RCC2: variants seen among roughly 807,000 people sequenced by gnomAD.
RCC2 encodes regulator of chromosome condensation 2.
A neutral mutation model predicts 64.1 loss-of-function variants in RCC2; 19 were observed. That is an observed-to-expected ratio of 0.30 (90% CI 0.21 to 0.44). The LOEUF (loss-of-function observed/expected upper bound fraction) is 0.44, where lower values mean the gene tolerates loss of function less well. Ranked by LOEUF, RCC2 falls within the 20% of genes least tolerant of loss-of-function variation. RCC2 has a pLI of 1.00. For missense variants in RCC2, 508 were observed against 710.4 expected, an observed-to-expected ratio of 0.72 and a Z score of 3.24; for synonymous variants, 325 against 279.6, an observed-to-expected ratio of 1.16 and a Z score of -1.62.
At chr1:17,428,990 A>T in intron 3 of RCC2, 116 bp downstream of exon 3, 2 of 807,806 alleles carry the variant, frequency 2.5e-6, no homozygotes, top group Non-Finnish European at 2.1e-6. Flanking sequence ...CAGGCAAGTC[A>T]CTTGGCCTCT....
In RCC2 at chr1:17,416,504, G is replaced by A. The variant is rs369180258; in HGVS notation, c.1002C>T (p.Asp334=). ...ILPVPNVVVR[D]VACGANHTLV... is the part of the protein sequence containing the mutation. ...CCGTGTGGTTAGCGCCACAGGCCACGTCTCGTACAACCACGTTTGGTACAG... is the reference window on the plus strand; with the variant it reads ...CCGTGTGGTTAGCGCCACAGGCCACATCTCGTACAACCACGTTTGGTACAG... Residue 334 remains aspartate, a synonymous_variant, in exon 8 of 13, where the codon GAC becomes GAT. Transcript: ENST00000375436. The A allele has an allele frequency of 4.3e-5, 69 of 1,613,136 alleles. No individual in the cohort carries two copies. The highest frequency in any genetic ancestry group is 5.5e-5 in the Non-Finnish European group (65 of 1,179,818).
At chr1:17,432,893 G>A (rs1484354683) in intron 2 of RCC2, among the ~76,000 whole-genome samples, 2 of 152,194 alleles carry the variant, frequency 1.3e-5, no homozygotes, top group African/African-American at 4.8e-5. Context: ...GGGAGGCGGG[G>A]CTTGCAGTGA....
intron 3 of RCC2, 80 bp from the exon 4 acceptor site, chr1:17,425,764 C>T: frequency 6.9e-7 from 1 of 1,459,168 alleles, no homozygotes; most frequent in Non-Finnish European, 9.4e-7. Flanking sequence ...ACCAAGCAGC[C>T]ACTTCCCGAG....
chr1:17,424,449 G>A (rs1452571937), intron 4 of RCC2, among the ~76,000 whole-genome samples: 2 of 152,180 alleles, frequency 1.3e-5, no homozygotes, highest in Admixed American at 6.5e-5. Flanking sequence ...AAGTAGGAGG[G>A]GTGCTCTGGG....
Position 17,422,245 on chromosome 1 carries a change from C to T in RCC2, c.702G>A (p.Leu234=), listed in dbSNP as rs140999876. ...FAFGENKMGQ[L]GLGNQTDAVP... Reference sequence around the variant, plus strand: ...CAGCGTCTGTCTGGTTGCCAAGGCCCAGCTGCCCCATCTTGTTTTCCCCAA... The same window carrying T: ...CAGCGTCTGTCTGGTTGCCAAGGCCTAGCTGCCCCATCTTGTTTTCCCCAA... The change falls in exon 6 of 13, where the codon CTG becomes CTA. Residue 234 remains leucine, a synonymous_variant. Transcript: ENST00000375436. 5.8e-4 allele frequency: 927 copies of T among 1,612,158 alleles called. No homozygotes were observed. Among genetic ancestry groups the T allele is most frequent in the Non-Finnish European group, 7.4e-4 (877 of 1,179,896 alleles).
Position 17,413,452 on chromosome 1 carries a change from T to A in RCC2, c.1207+85A>T. The A allele has an allele frequency of 6.7e-6, 9 of 1,344,758 alleles. No individual in the cohort carries two copies. In the South Asian group the frequency reaches 1.1e-4, roughly 17 times the overall value. The allele number at this position is 1,344,758 out of a possible 1,614,324, so 83.3% of individuals were successfully genotyped here. ...AAAGAACACTGGGAGGTAAAGAGAA[T>A]TGGGGTTCGTGGTCTAGGGACAGGA... On this transcript the variant is annotated intron_variant, in intron 9 of 12. Coordinates refer to ENST00000375436, the MANE Select transcript of RCC2 (RefSeq NM_018715.4).
intron 11 of RCC2, 54 bp downstream of exon 11, chr1:17,412,068 T>C (rs565993530): frequency 7.9e-6 from 12 of 1,521,266 alleles, no homozygotes; most frequent in Non-Finnish European, 1.1e-5. Flanking sequence ...CCAAAGGCCA[T>C]GAGCCACCCT....
In RCC2 at chr1:17,413,661, C is replaced by A; in HGVS notation, c.1083G>T (p.Arg361=). 6.2e-7 allele frequency: 1 copy of A among 1,614,120 alleles called. No homozygotes were observed. Among genetic ancestry groups the A allele is most frequent in the South Asian group, 1.1e-5 (1 of 91,068 alleles). ...VFSWGFGGYG[R]LGHAEQKDEM... ...CATCCTTCTGCTCTGCGTGGCCCAG[C>A]CGGCCATAGCCACCAAAGCCCCAGG... The change falls in exon 9 of 13, where the codon CGG becomes CGT. Residue 361 remains arginine, a synonymous_variant. Coordinates refer to ENST00000375436, the MANE Select transcript of RCC2 (RefSeq NM_018715.4).
intron 2 of RCC2, among the ~76,000 whole-genome samples, chr1:17,434,084 T>A (rs2075711733): frequency 6.6e-6 from 1 of 152,210 alleles, no homozygotes; most frequent in Non-Finnish European, 1.5e-5. Context: ...TTTAGGAGGT[T>A]ATGAAGTGCG....
chr1:17,418,928 T>C (rs1283270586), intron 7 of RCC2, among the ~76,000 whole-genome samples: 3 of 152,224 alleles, frequency 2.0e-5, no homozygotes, highest in Non-Finnish European at 4.4e-5. Context: ...ATTTGGTGAC[T>C]GCTTTTTCCA....
intron 12 of RCC2, among the ~76,000 whole-genome samples, chr1:17,409,495 C>G (rs540022465): frequency 2.6e-5 from 4 of 152,198 alleles, no homozygotes; most frequent in Admixed American, 6.5e-5. Flanking sequence ...CCATCCCCCC[C>G]CTCTCTGGCT....
At chr1:17,412,281 G>T in intron 10 of RCC2, 87 bp from the exon 11 acceptor site, 2 of 1,241,434 alleles carry the variant, frequency 1.6e-6, no homozygotes, top group South Asian at 1.3e-5. Context: ...AGTGTGAGCT[G>T]CCACTTTTCC....
At chr1:17,434,850 C>T (rs1455054182) in intron 2 of RCC2, among the ~76,000 whole-genome samples, 3 of 152,204 alleles carry the variant, frequency 2.0e-5, no homozygotes, top group African/African-American at 7.2e-5. Context: ...TGGTGGCTCA[C>T]GCCTGTAATC....
chr1:17,438,315 T>C lies in RCC2; in HGVS notation c.200A>G (p.Lys67Arg). The C allele has an allele frequency of 8.1e-7, 1 of 1,239,604 alleles. No homozygotes were observed. Among genetic ancestry groups the C allele is most frequent in the East Asian group, 4.1e-5 (1 of 24,532 alleles). The allele number at this position is 1,239,604 out of a possible 1,614,324, so 76.8% of individuals were successfully genotyped here. Residue 67 changes from lysine (K) to arginine (R), a missense_variant, in exon 2 of 13, where the codon AAG (lysine) becomes AGG (arginine). Coordinates refer to ENST00000375436, the MANE Select transcript of RCC2 (RefSeq NM_018715.4). ...TGCTGTCGCCGGCCGCGCCGCGCGC[T>C]TGCCCCCGCCGGGGGCCCCGTCGAG... ...LELDGAPGGG[K>R]RAARPATAGK...
At chr1:17,415,199 CA>C (rs957666969) in intron 8 of RCC2, among the ~76,000 whole-genome samples, 5 of 152,216 alleles carry the variant, frequency 3.3e-5, no homozygotes, top group African/African-American at 1.2e-4. Context: ...TGGACTTGCA[CA>C]AACTGAAATC....
chr1:17,429,425 C>T, intron 2 of RCC2, among the ~76,000 whole-genome samples: 1 of 152,174 alleles, frequency 6.6e-6, no homozygotes, highest in South Asian at 2.1e-4. Flanking sequence ...TAAGCCCAGG[C>T]TCATTTTTAT....
intron 2 of RCC2, among the ~76,000 whole-genome samples, chr1:17,431,873 TG>T (rs1237562646): frequency 2.6e-5 from 4 of 151,930 alleles, no homozygotes; most frequent in Admixed American, 2.0e-4. Flanking sequence ...CCAAAGTGGG[TG>T]GATCACCTGC....
intron 6 of RCC2, among the ~76,000 whole-genome samples, chr1:17,421,083 A>T (rs549049006): frequency 1.3e-5 from 2 of 152,172 alleles, no homozygotes; most frequent in East Asian, 3.9e-4. Flanking sequence ...GATCAATAAA[A>T]CCAAGTCCCT....
intron 2 of RCC2, among the ~76,000 whole-genome samples, chr1:17,434,930 C>A (rs1204384787): frequency 1.3e-5 from 2 of 152,204 alleles, no homozygotes; most frequent in African/African-American, 4.8e-5. Flanking sequence ...ATGGTGAAAC[C>A]CCATCTCTAC....
Sources: gnomAD v4.1 joint callset for allele counts (sites outside exome capture counted in the v4.1 genomes callset) on GRCh38, gnomAD v4.1.1 for gene constraint, MANE v1.5 for transcripts, NCBI Gene and HGNC (gene_info 2026-07-23, HGNC 2026-07-21) for gene names.